The following TBC1D5 variants were observed in gnomAD, a reference collection of about 807,000 sequenced individuals.
The protein encoded by TBC1D5 is TBC1 domain family member 5.
Under a neutral mutation model 100.3 loss-of-function variants are expected in TBC1D5, and 75 were observed. The observed-to-expected ratio is 0.75, with a 90% CI of 0.62 to 0.91. The LOEUF (loss-of-function observed/expected upper bound fraction) is 0.91, where lower values mean the gene tolerates loss of function less well. Among genes scored for constraint, TBC1D5 ranks in the 40% least tolerant of loss-of-function variants. TBC1D5 has a pLI of 0.00. For synonymous variants in TBC1D5, 323 were observed against 325.6 expected (o/e 0.99, Z 0.09); for missense variants, 910 against 942.4 (o/e 0.97, Z 0.45).
intron 3 of TBC1D5, among the ~76,000 whole-genome samples, chr3:17,450,431 T>C (rs1372200532): frequency 6.6e-6 from 1 of 151,866 alleles, no homozygotes; most frequent in Non-Finnish European, 1.5e-5. Context: ...AACAACAAAC[T>C]CCTCCGAGTT....
In TBC1D5 at chr3:17,649,736, G is replaced by A. The variant is rs187483565; in HGVS notation, c.-100-25823C>T. On this transcript the variant is annotated intron_variant, in intron 1 of 21. Transcript: ENST00000253692. The stretch of plus-strand genomic sequence containing the variant: ...CAACCATTGTGGAAGACAGTGTGGC[G>A]ATCCCTCAAGAATCTACAATTAGAA... 1.1e-4 allele frequency among the ~76,000 whole-genome samples: 16 copies of A among 152,188 alleles called. No individual in the cohort carries two copies. In the East Asian group the frequency reaches 1.4e-3, roughly 13 times the overall value.
At chr3:17,255,194 C>T (rs1294805941) in intron 16 of TBC1D5, among the ~76,000 whole-genome samples, 3 of 151,962 alleles carry the variant, frequency 2.0e-5, no homozygotes, top group Non-Finnish European at 2.9e-5. Flanking sequence ...AGAATGGCCA[C>T]TTAGGATCTT....
chr3:17,272,317 A>C (rs2079515618), intron 15 of TBC1D5, among the ~76,000 whole-genome samples: 1 of 152,212 alleles, frequency 6.6e-6, no homozygotes, highest in Admixed American at 6.5e-5. Flanking sequence ...TAAATTATTT[A>C]GGAGTTGTTC....
intron 13 of TBC1D5, among the ~76,000 whole-genome samples, chr3:17,355,424 C>CA (rs963956994): frequency 7.9e-5 from 12 of 152,224 alleles, no homozygotes; most frequent in African/African-American, 2.6e-4. Context: ...TCAAGTATGT[C>CA]ACTGGGTGAA....
chr3:17,173,541 G>A (rs2067376219), intron 19 of TBC1D5, among the ~76,000 whole-genome samples: 1 of 152,134 alleles, frequency 6.6e-6, no homozygotes, highest in African/African-American at 2.4e-5. Context: ...ACCCATCAGT[G>A]AGATGGGGGT....
At chr3:17,315,089 C>A (rs891292676) in intron 13 of TBC1D5, among the ~76,000 whole-genome samples, 3 of 152,072 alleles carry the variant, frequency 2.0e-5, no homozygotes, top group Admixed American at 2.0e-4. Context: ...ACTATAAGAC[C>A]CATACATAGG....
At chr3:17,442,860 G>A (rs564813706) in intron 3 of TBC1D5, among the ~76,000 whole-genome samples, 1 of 152,056 alleles carries the variant, frequency 6.6e-6, no homozygotes, top group East Asian at 1.9e-4. Flanking sequence ...GGGAAGGAAG[G>A]GAGAAGAGAA....
chr3:17,635,820 T>C (rs905403766), intron 1 of TBC1D5, among the ~76,000 whole-genome samples: 1 of 152,182 alleles, frequency 6.6e-6, no homozygotes, highest in Non-Finnish European at 1.5e-5. Flanking sequence ...AGACCAAGTA[T>C]AAACAATTCC....
intron 3 of TBC1D5, among the ~76,000 whole-genome samples, chr3:17,456,200 A>C (rs1037876679): frequency 7.5e-6 from 1 of 134,038 alleles, no homozygotes; most frequent in African/African-American, 3.4e-5. Flanking sequence ...AAACTACCAC[A>C]AAAAAAAATC....
intron 1 of TBC1D5, among the ~76,000 whole-genome samples, chr3:17,629,941 G>A (rs1206342457): frequency 6.6e-6 from 1 of 152,126 alleles, no homozygotes; most frequent in African/African-American, 2.4e-5. Context: ...AATTTGTACA[G>A]AAGTTACAAA....
chr3:17,592,642 G>A (rs2060304967), intron 2 of TBC1D5, among the ~76,000 whole-genome samples: 1 of 152,200 alleles, frequency 6.6e-6, no homozygotes, highest in South Asian at 2.1e-4. Flanking sequence ...GTCCAGAACA[G>A]GAGAAGGCTC....
At chr3:17,658,284 T>C (rs1386341799) in intron 1 of TBC1D5, among the ~76,000 whole-genome samples, 1 of 152,254 alleles carries the variant, frequency 6.6e-6, no homozygotes, top group African/African-American at 2.4e-5. Context: ...TTTGATTTCC[T>C]GCTATATATA....
chr3:17,452,278 C>CAAAATGGCAGGGGTAAGTCCCTACTT (rs2094946053), intron 3 of TBC1D5, among the ~76,000 whole-genome samples: 1 of 151,916 alleles, frequency 6.6e-6, no homozygotes, highest in Non-Finnish European at 1.5e-5. Context: ...CAGAAAACAA[C>CAAAATGGCAGGGGTAAGTCCCTACTT]AAAATGGCAG....
At chr3:17,424,814 G>T (rs13069149) in intron 4 of TBC1D5, among the ~76,000 whole-genome samples, 59 of 152,130 alleles carry the variant, frequency 3.9e-4, no homozygotes, top group Non-Finnish European at 6.5e-4. Flanking sequence ...TGAGTATTAG[G>T]CACATAAAGC....
chr3:17,222,227 A>T (rs2074367621), intron 17 of TBC1D5, among the ~76,000 whole-genome samples: 1 of 152,028 alleles, frequency 6.6e-6, no homozygotes, highest in Non-Finnish European at 1.5e-5. Context: ...CTTGTTTTCT[A>T]ATAATTTCTT....
intron 18 of TBC1D5, among the ~76,000 whole-genome samples, chr3:17,203,848 A>C (rs9829692): frequency 3.3e-5 from 5 of 152,204 alleles, no homozygotes; most frequent in Non-Finnish European, 7.3e-5. Context: ...AGTCTCAGGT[A>C]GTTCCTGATA....
chr3:17,323,113 A>G (rs2085639687), intron 13 of TBC1D5, among the ~76,000 whole-genome samples: 1 of 152,260 alleles, frequency 6.6e-6, no homozygotes. Context: ...GTTGAATCAT[A>G]TAACATTCAA....
At chr3:17,395,610 T>C (rs1449222603) in intron 8 of TBC1D5, among the ~76,000 whole-genome samples, 1 of 152,070 alleles carries the variant, frequency 6.6e-6, no homozygotes, top group Non-Finnish European at 1.5e-5. Flanking sequence ...CAACTATAAA[T>C]AGTCCTTAAA....
intron 1 of TBC1D5, among the ~76,000 whole-genome samples, chr3:17,714,859 T>C (rs552763782): frequency 1.4e-4 from 21 of 152,260 alleles, no homozygotes; most frequent in African/African-American, 4.6e-4. Context: ...GAACCTAACC[T>C]GACTCAAGAC....
Sources: allele counts gnomAD v4.1 joint callset (sites outside exome capture counted in the v4.1 genomes callset), GRCh38; gene constraint gnomAD v4.1.1; transcripts MANE v1.5; gene names NCBI Gene and HGNC (gene_info 2026-07-23, HGNC 2026-07-21).